Variants in ITPR2 observed in about 807,000 individuals in gnomAD.
ITPR2 encodes inositol 1,4,5-trisphosphate receptor type 2.
A neutral mutation model predicts 317.1 loss-of-function variants in ITPR2; 207 were observed. The ratio of observed to expected loss-of-function variants is 0.65; its 90% CI spans 0.58 to 0.73. The LOEUF (loss-of-function observed/expected upper bound fraction) is 0.73. ITPR2 is among the 30% of genes least tolerant of loss of function. The probability of loss-of-function intolerance (pLI) is 0.00; values close to 1 mark genes in which losing one functional copy is unlikely to be tolerated. For synonymous variants in ITPR2, 1,156 were observed against 1,149.1 expected (o/e 1.01, Z -0.12); for missense variants, 2,613 against 3,284.0 (o/e 0.80, Z 4.99).
chr12:26,748,260 T>C (rs1370573349), intron 2 of ITPR2, among the ~76,000 whole-genome samples: 1 of 152,122 alleles, frequency 6.6e-6, no homozygotes, highest in Non-Finnish European at 1.5e-5. Flanking sequence ...GGTTTCATCG[T>C]GTTGGCCAGG....
Position 26,415,284 on chromosome 12 carries a change from T to G in ITPR2, c.7306+19A>C. 1 of 1,542,546 alleles carries G rather than the reference T, an allele frequency of 6.5e-7. No homozygotes were observed. The highest frequency in any genetic ancestry group is 8.8e-7 in the Non-Finnish European group (1 of 1,137,776). On this transcript the variant is annotated intron_variant, in intron 51 of 56. Coordinates refer to ENST00000381340, the MANE Select transcript of ITPR2 (RefSeq NM_002223.4). ...ATATCTGCCATCAGAGAAACCTCAT[T>G]TAGTGGTAATAGCAATACCTGTAAC... is the stretch of plus-strand genomic sequence containing the variant.
intron 31 of ITPR2, 116 bp from the exon 32 acceptor site, chr12:26,595,706 T>C: frequency 4.8e-6 from 4 of 834,852 alleles, no homozygotes; most frequent in Non-Finnish European, 7.1e-6. Flanking sequence ...CATAGCATAG[T>C]TTTGTCTATC....
At chr12:26,536,163 A>G (rs183189691) in intron 37 of ITPR2, among the ~76,000 whole-genome samples, 6 of 152,334 alleles carry the variant, frequency 3.9e-5, no homozygotes, top group Non-Finnish European at 5.9e-5. Flanking sequence ...AAGAGGTGGC[A>G]TATACATTTA....
At chr12:26,344,610 C>G (rs535691830) in intron 55 of ITPR2, among the ~76,000 whole-genome samples, 47 of 151,200 alleles carry the variant, frequency 3.1e-4, no homozygotes, top group African/African-American at 1.1e-3. Context: ...CTCAGTGGAC[C>G]ATAGCTGGTG....
At chr12:26,808,214 T>G (rs1000351641) in intron 1 of ITPR2, among the ~76,000 whole-genome samples, 15 of 152,210 alleles carry the variant, frequency 9.9e-5, no homozygotes, top group African/African-American at 3.4e-4. Context: ...GTGTCATCAA[T>G]GGAGCCCTTG....
intron 1 of ITPR2, among the ~76,000 whole-genome samples, chr12:26,815,235 G>A (rs991847972): frequency 5.9e-5 from 9 of 152,158 alleles, no homozygotes; most frequent in Non-Finnish European, 4.4e-5. Flanking sequence ...AGGAGGCTGA[G>A]GCAGGAGAAT....
In ITPR2 at chr12:26,681,869, G is replaced by A; in HGVS notation, c.1409+5C>T. 2 of 1,063,768 alleles carry A rather than the reference G, an allele frequency of 1.9e-6. No homozygotes were observed. The highest frequency in any genetic ancestry group is 2.5e-6 in the Non-Finnish European group (2 of 785,508). 65.9% of individuals were successfully genotyped at this position (1,063,768 alleles called of 1,614,324 possible). On this transcript the variant is annotated splice_donor_5th_base_variant and intron_variant, in intron 13 of 56. Transcript: ENST00000381340. ...TGATTATTTAAGACCAATTTAAAGA[G>A]TTACCTCCTTTCATTCTGAGTTATT...
chr12:26,376,054 T>C (rs961041471), intron 55 of ITPR2, among the ~76,000 whole-genome samples: 1 of 152,174 alleles, frequency 6.6e-6, no homozygotes, highest in African/African-American at 2.4e-5. Context: ...TGAGCCAGGA[T>C]CATGTCTGAG....
chr12:26,381,029 C>T (rs555221540), intron 55 of ITPR2, among the ~76,000 whole-genome samples: 5 of 152,226 alleles, frequency 3.3e-5, no homozygotes, highest in South Asian at 2.1e-4. Flanking sequence ...GCTGAAAACC[C>T]CACCAGTGTG....
intron 10 of ITPR2, among the ~76,000 whole-genome samples, chr12:26,692,506 T>A (rs1948260103): frequency 6.6e-6 from 1 of 152,118 alleles, no homozygotes; most frequent in South Asian, 2.1e-4. Context: ...TTCCAAAAAA[T>A]TCCCCTTCAA....
intron 21 of ITPR2, among the ~76,000 whole-genome samples, chr12:26,644,863 A>G (rs1236472781): frequency 6.6e-6 from 1 of 152,192 alleles, no homozygotes; most frequent in African/African-American, 2.4e-5. Context: ...TTTACAAGCC[A>G]CCCAGTCTAT....
chr12:26,342,273 C>T (rs774430990), intron 55 of ITPR2, among the ~76,000 whole-genome samples: 1 of 152,122 alleles, frequency 6.6e-6, no homozygotes, highest in Non-Finnish European at 1.5e-5. Context: ...GAGAACAGAC[C>T]TGTGCTAAAT....
intron 55 of ITPR2, among the ~76,000 whole-genome samples, chr12:26,341,672 T>C (rs1169999164): frequency 6.6e-6 from 1 of 152,246 alleles, no homozygotes. Flanking sequence ...TAACTTACTC[T>C]AAAGTGCAGA....
Position 26,722,546 on chromosome 12 carries a change from T to A in ITPR2, c.376A>T (p.Ile126Leu). The A allele has an allele frequency of 6.2e-7, 1 of 1,611,018 alleles. No homozygotes were observed. Among genetic ancestry groups the A allele is most frequent in the Non-Finnish European group, 8.5e-7 (1 of 1,177,812 alleles). Residue 126 changes from isoleucine (I) to leucine (L), a missense_variant, in exon 5 of 57, where the codon ATA (isoleucine) becomes TTA (leucine). This residue lies in a region of ITPR2 where 515 missense variants were observed against 789.4 expected (regional missense o/e 0.65). Coordinates refer to ENST00000381340, the MANE Select transcript of ITPR2 (RefSeq NM_002223.4). ...ACAGTAAGATATTTGTTGCTTTTTA[T>A]ATGCAGTAGCTATAGGGAAAAGACA... ...KYSNVIQLLH[I>L]KSNKYLTVNK...
intron 2 of ITPR2, among the ~76,000 whole-genome samples, chr12:26,751,016 C>T (rs1461751819): frequency 6.6e-6 from 1 of 152,178 alleles, no homozygotes; most frequent in Non-Finnish European, 1.5e-5. Flanking sequence ...AGTCACCACA[C>T]TGGCAAAAGA....
At chr12:26,478,974 G>A (rs557098894) in intron 43 of ITPR2, among the ~76,000 whole-genome samples, 14 of 151,716 alleles carry the variant, frequency 9.2e-5, no homozygotes, top group Admixed American at 6.6e-4. Context: ...TTTTAATATG[G>A]TATCTTTTTA....
chr12:26,744,395 A>G (rs937119282), intron 2 of ITPR2, among the ~76,000 whole-genome samples: 4 of 152,164 alleles, frequency 2.6e-5, no homozygotes, highest in Non-Finnish European at 5.9e-5. Flanking sequence ...CCTGTTCCCC[A>G]AGATTTCTGC....
At chr12:26,633,263 C>T (rs1946794221) in intron 21 of ITPR2, among the ~76,000 whole-genome samples, 1 of 152,018 alleles carries the variant, frequency 6.6e-6, no homozygotes, top group Non-Finnish European at 1.5e-5. Flanking sequence ...CTGAATGGTC[C>T]AGACCACAAT....
rs143843238 is a variant in ITPR2, at chr12:26,768,994, AACACACACACAC to A, written c.163+21151_163+21162del. 9.4e-4 allele frequency among the ~76,000 whole-genome samples: 91 copies of A among 96,908 alleles called. 1 individual carries two copies. Among genetic ancestry groups the A allele is most frequent in the African/African-American group, 2.4e-3 (86 of 35,216 alleles). The allele number at this position is 96,908 out of a possible 152,430, so 63.6% of individuals were successfully genotyped here. Reference sequence around the variant, plus strand: ...TGACCACCTCCAAGTCATCCAGTAGAACACACACACACACACACACACACACACACACCCCAA... The same window carrying A: ...TGACCACCTCCAAGTCATCCAGTAGAACACACACACACACACACACCCCAA... On this transcript the variant is annotated intron_variant, in intron 2 of 56. Coordinates refer to ENST00000381340, the MANE Select transcript of ITPR2 (RefSeq NM_002223.4).
Sources: gnomAD v4.1 joint callset for allele counts (sites outside exome capture counted in the v4.1 genomes callset) on GRCh38, gnomAD v4.1.1 for gene constraint, gnomAD v4.1.1 regional missense constraint, MANE v1.5 for transcripts, NCBI Gene and HGNC (gene_info 2026-07-23, HGNC 2026-07-21) for gene names.